Variants in CLECL1 observed in about 807,000 individuals in gnomAD.
The protein encoded by CLECL1 is C-type lectin-like domain family 1.
chr12:9,734,310 G>A (rs1866490554), upstream of CLECL1, among the ~76,000 whole-genome samples: 1 of 152,126 alleles, frequency 6.6e-6, no homozygotes, highest in South Asian at 2.1e-4. Context: ...CTTGAGCACC[G>A]ACCTCTGTCT....
downstream of CLECL1, among the ~76,000 whole-genome samples, chr12:9,713,904 G>A (rs188293877): frequency 3.5e-4 from 53 of 152,236 alleles, no homozygotes; most frequent in African/African-American, 1.2e-3. Flanking sequence ...ACACTTGCAC[G>A]GGTACATGTG....
At chr12:9,722,919 C>G in intron 3 of CLECL1, 106 bp from the exon 2 acceptor site, 1 of 737,694 alleles carries the variant, frequency 1.4e-6, no homozygotes, top group Non-Finnish European at 2.0e-6. Context: ...GCTAAGCTTT[C>G]TTTGAAAAAA....
chr12:9,718,925 A>G (rs1327954519), downstream of CLECL1, among the ~76,000 whole-genome samples: 1 of 152,192 alleles, frequency 6.6e-6, no homozygotes. Context: ...GCATATTAAT[A>G]CAACTCCTTT....
chr12:9,721,613 G>C (rs1866313404), downstream of CLECL1, among the ~76,000 whole-genome samples: 2 of 152,218 alleles, frequency 1.3e-5, no homozygotes, highest in Admixed American at 6.5e-5. Context: ...GTGAGCAGGA[G>C]ATATATGAGA....
At chr12:9,705,298 G>A in the CLECL1 span, among the ~76,000 whole-genome samples, 1 of 151,362 alleles carries the variant, frequency 6.6e-6, no homozygotes, top group Admixed American at 6.6e-5. Flanking sequence ...TATAAGTGCT[G>A]GATATTAGAT....
chr12:9,703,593 C>G, the CLECL1 span, among the ~76,000 whole-genome samples: 1 of 152,026 alleles, frequency 6.6e-6, no homozygotes, highest in Non-Finnish European at 1.5e-5. Flanking sequence ...CAGAGTTACA[C>G]CGTGTTGCCA....
At chr12:9,715,680 G>A (rs12228641), downstream of CLECL1, among the ~76,000 whole-genome samples, 42,456 of 151,860 alleles carry the variant, frequency 0.28, 6,553 homozygotes, top group South Asian at 0.44. Context: ...TCTACCTCCA[G>A]CATCCACTCT....
intron 2 of CLECL1, among the ~76,000 whole-genome samples, chr12:9,727,678 CA>C (rs1193370824): frequency 1.3e-5 from 2 of 151,698 alleles, no homozygotes; most frequent in Non-Finnish European, 3.0e-5. Flanking sequence ...TTGAACTAGA[CA>C]ACTAATGAAA....
exon 3 of CLECL1, chr12:9,716,128 C>T (rs1360828254): frequency 6.6e-6 from 1 of 152,492 alleles, no homozygotes; most frequent in African/African-American, 2.4e-5. Context: ...TCCTTGCTCC[C>T]CACATCTCCT....
downstream of CLECL1, among the ~76,000 whole-genome samples, chr12:9,719,276 C>A (rs1985788): frequency 6.6e-6 from 1 of 151,986 alleles, no homozygotes; most frequent in Non-Finnish European, 1.5e-5. Flanking sequence ...CTTGTAATCC[C>A]AGTACTTTGG....
intron 3 of CLECL1, among the ~76,000 whole-genome samples, chr12:9,726,300 A>G (rs1304590170): frequency 6.6e-6 from 1 of 152,072 alleles, no homozygotes; most frequent in Non-Finnish European, 1.5e-5. Flanking sequence ...ATCAAAAGCC[A>G]ATAAGTTTGA....
In CLECL1 at chr12:9,722,791, G is replaced by A. The variant is rs770118537; in HGVS notation, n.285C>T. On this transcript the variant is annotated non_coding_transcript_exon_variant, in exon 4 of 4. Transcript: ENST00000621400. Reference sequence around the variant, plus strand: ...AGTCTTTGGCAGGACATGATTTATGGACAGTAGAAAAGTTGAAAGAAACTG... The same window carrying A: ...AGTCTTTGGCAGGACATGATTTATGAACAGTAGAAAAGTTGAAAGAAACTG... The A allele has an allele frequency of 8.7e-6, 14 of 1,611,358 alleles. No individual in the cohort carries two copies. The South Asian group carries it at 1.2e-4, about 14-fold the overall frequency.
downstream of CLECL1, chr12:9,722,483 C>A: frequency 1.5e-6 from 2 of 1,297,018 alleles, no homozygotes; most frequent in South Asian, 2.3e-5. Flanking sequence ...AAAAAAACCT[C>A]AAAGGTAATC....
chr12:9,722,848 G>A (rs944358346), intron 3 of CLECL1, 35 bp from the exon 2 acceptor site: 1 of 1,490,490 alleles, frequency 6.7e-7, no homozygotes, highest in Non-Finnish European at 9.2e-7. Flanking sequence ...TAAAATCAAT[G>A]TAAAACTGTA....
At chr12:9,733,637 G>A (rs1265865280), upstream of CLECL1, among the ~76,000 whole-genome samples, 1 of 152,030 alleles carries the variant, frequency 6.6e-6, no homozygotes, top group African/African-American at 2.4e-5. Flanking sequence ...GAATTATGCA[G>A]AGGACTTCTG....
chr12:9,708,723 T>C, the CLECL1 span: 3 of 159,954 alleles, frequency 1.9e-5, no homozygotes, highest in African/African-American at 7.2e-5. Context: ...ACCGCATTGG[T>C]ACCTATGTCA....
intron 3 of CLECL1, among the ~76,000 whole-genome samples, chr12:9,723,678 A>G (rs775703447): frequency 6.6e-6 from 1 of 152,306 alleles, no homozygotes; most frequent in East Asian, 1.9e-4. Flanking sequence ...GAGTTAAGAG[A>G]AACCACAGAT....
At chr12:9,723,653 A>G (rs1201389118) in intron 3 of CLECL1, among the ~76,000 whole-genome samples, 1 of 152,216 alleles carries the variant, frequency 6.6e-6, no homozygotes, top group East Asian at 1.9e-4. Context: ...TTCTCACCTG[A>G]ATAACCAGAG....
chr12:9,712,469 C>T (rs1866206628), downstream of CLECL1, among the ~76,000 whole-genome samples: 1 of 152,194 alleles, frequency 6.6e-6, no homozygotes, highest in African/African-American at 2.4e-5. Context: ...CTGCTTTAGC[C>T]AAGCATGAAC....
Sources: gnomAD v4.1 joint callset for allele counts (sites outside exome capture counted in the v4.1 genomes callset) on GRCh38, gnomAD v4.1.1 for gene constraint, MANE v1.5 for transcripts, NCBI Gene and HGNC (gene_info 2026-07-23, HGNC 2026-07-21) for gene names.